CTNND1: variants seen among roughly 807,000 people sequenced by gnomAD.
CTNND1 encodes the protein catenin delta-1.
In CTNND1, 16 loss-of-function variants were observed where a neutral mutation model predicts 112.1. The ratio of observed to expected loss-of-function variants is 0.14; its 90% CI spans 0.10 to 0.22. CTNND1 has a LOEUF of 0.22. Among genes scored for constraint, CTNND1 ranks in the 10% least tolerant of loss-of-function variants. The pLI is 1.00. For missense variants in CTNND1, 1,008 were observed against 1,257.0 expected, an observed-to-expected ratio of 0.80 and a Z score of 3.00; for synonymous variants, 420 against 446.5, an observed-to-expected ratio of 0.94 and a Z score of 0.75.
chr11:57,815,282 T>C, intron 18 of CTNND1, 112 bp from the exon 19 acceptor site: 4 of 631,870 alleles, frequency 6.3e-6, no homozygotes, highest in Non-Finnish European at 8.1e-6. Flanking sequence ...TTGTGGAGCA[T>C]TTGACAAGCT....
chr11:57,763,271 C>G (rs1950262124), intron 1 of CTNND1, among the ~76,000 whole-genome samples: 1 of 152,100 alleles, frequency 6.6e-6, no homozygotes. Flanking sequence ...ATTCTCTTCT[C>G]TTTTTGAAAA....
chr11:57,816,432 T>A lies in CTNND1; in HGVS notation c.*124T>A. 1 of 1,256,954 alleles carries A rather than the reference T, an allele frequency of 8.0e-7. No individual in the cohort carries two copies. Among genetic ancestry groups the A allele is most frequent in the Non-Finnish European group, 1.2e-6 (1 of 868,648 alleles). 77.9% of individuals were successfully genotyped at this position (1,256,954 alleles called of 1,614,324 possible). The stretch of plus-strand genomic sequence containing the variant: ...CAACTGCCAGGCTGCCTCCTGCCCT[T>A]ACAGCCCTAAGTGGCTGCCTTCTTT... On this transcript the variant is annotated 3_prime_UTR_variant, in exon 21 of 21. Transcript: ENST00000399050.
chr11:57,807,060 C>T (rs953539937), intron 12 of CTNND1, 77 bp downstream of exon 12: 1 of 1,133,390 alleles, frequency 8.8e-7, no homozygotes, highest in African/African-American at 1.6e-5. Context: ...TAACAGCAGA[C>T]TTTATGTAAT....
rs2137748746 is a variant in CTNND1, at chr11:57,817,049, C to G, written c.*741C>G. 1 of 153,288 alleles carries G rather than the reference C, an allele frequency of 6.5e-6. No individual in the cohort carries two copies. The highest frequency in any genetic ancestry group is 2.4e-5 in the African/African-American group (1 of 41,600). The allele number at this position is 153,288 out of a possible 1,614,324, so 9.5% of individuals were successfully genotyped here. On this transcript the variant is annotated 3_prime_UTR_variant, in exon 21 of 21. Coordinates refer to ENST00000399050, the MANE Select transcript of CTNND1 (RefSeq NM_001085458.2). ...CACAGGCTGTCCTTAACCCACCTCTCCTGCCCTGTGATATGTCTGCTGAGT... is the reference window on the plus strand; with the variant it reads ...CACAGGCTGTCCTTAACCCACCTCTGCTGCCCTGTGATATGTCTGCTGAGT...
Position 57,811,471 on chromosome 11 carries a change from C to G in CTNND1, c.2623C>G (p.Arg875Gly). Residue 875 changes from arginine to glycine, a missense_variant, in exon 17 of 21, where the codon CGG becomes GGG. Physicochemically the swap from Arg to Gly is moderately radical, Grantham distance 125. Around this residue, in one of 5 missense-constraint regions of CTNND1, gnomAD observed 106 missense variants for 116.2 expected, o/e 0.91. Transcript: ENST00000399050. ...YDDSTLPLID[R>G]NQKSDKKPDR... ...TGATAGTACTCTCCCTCTCATTGAC[C>G]GGAACCAAAAATCAGGTGCAGTATC... The G allele has an allele frequency of 6.2e-7, 1 of 1,612,440 alleles. No homozygotes were observed. Among genetic ancestry groups the G allele is most frequent in the Non-Finnish European group, 8.5e-7 (1 of 1,179,202 alleles).
At chr11:57,786,638 T>C (rs547359329) in intron 1 of CTNND1, among the ~76,000 whole-genome samples, 7 of 152,332 alleles carry the variant, frequency 4.6e-5, no homozygotes, top group Middle Eastern at 6.8e-3. Context: ...TGAAGGTTTG[T>C]AGTGTGATCT....
intron 1 of CTNND1, among the ~76,000 whole-genome samples, chr11:57,769,025 G>T (rs1450308505): frequency 6.6e-6 from 1 of 151,490 alleles, no homozygotes; most frequent in Non-Finnish European, 1.5e-5. Flanking sequence ...ATGAGACAGA[G>T]GCTGGGCGCG....
chr11:57,773,711 C>T (rs1268472614), intron 1 of CTNND1, among the ~76,000 whole-genome samples: 4 of 149,946 alleles, frequency 2.7e-5, no homozygotes, highest in East Asian at 3.9e-4. Context: ...CTGAGGTGGG[C>T]GGATCGCTTG....
intron 1 of CTNND1, among the ~76,000 whole-genome samples, chr11:57,762,934 T>A (rs1950195701): frequency 6.6e-6 from 1 of 152,194 alleles, no homozygotes; most frequent in African/African-American, 2.4e-5. Flanking sequence ...TATTTTCAGC[T>A]TTTTGCACTC....
rs1253184775 is a variant in CTNND1, at chr11:57,801,729, T to C, written c.957-4T>C. 1 of 1,606,630 alleles carries C rather than the reference T, an allele frequency of 6.2e-7. No homozygotes were observed. Among genetic ancestry groups the C allele is most frequent in the South Asian group, 1.1e-5 (1 of 90,600 alleles). On this transcript the variant is annotated splice_region_variant and splice_polypyrimidine_tract_variant and intron_variant, in intron 6 of 20. Transcript: ENST00000399050. The stretch of plus-strand genomic sequence containing the variant: ...ATTCTCTTGGTTCTTCCAAAACTTC[T>C]CAGGAGCTATGAAGACATGATTGGT...
rs756952348 is a variant in CTNND1 at position 57,806,008 on chromosome 11, A to G, written c.1849A>G (p.Ser617Gly). 5.0e-6 allele frequency: 8 copies of G among 1,611,700 alleles called. No individual in the cohort carries two copies. The highest frequency in any genetic ancestry group is 5.9e-6 in the Non-Finnish European group (7 of 1,178,830). Residue 617 changes from serine to glycine, a missense_variant, in exon 10 of 21, where the codon AGT becomes GGT. Around this residue, in one of 5 missense-constraint regions of CTNND1, gnomAD observed 254 missense variants for 279.5 expected, o/e 0.91. Coordinates refer to ENST00000399050, the MANE Select transcript of CTNND1 (RefSeq NM_001085458.2). ...VANNTGPHAA[S>G]CFGAKKGKDE... ...CAACAATACTGGGCCACATGCTGCC[A>G]GTTGCTTTGGGGCCAAGAAGGGCAA... is the stretch of plus-strand genomic sequence containing the variant.
intron 3 of CTNND1, among the ~76,000 whole-genome samples, chr11:57,793,719 C>A (rs1221917328): frequency 6.6e-6 from 1 of 152,162 alleles, no homozygotes; most frequent in Non-Finnish European, 1.5e-5. Context: ...AGGCACTGTT[C>A]AAGGCACTAG....
At chr11:57,777,492 A>G (rs1034972467) in intron 1 of CTNND1, among the ~76,000 whole-genome samples, 1 of 151,904 alleles carries the variant, frequency 6.6e-6, no homozygotes, top group African/African-American at 2.4e-5. Flanking sequence ...CTGGTCTCGA[A>G]CTCCTGACCT....
intron 7 of CTNND1, 112 bp from the exon 8 acceptor site, chr11:57,803,509 T>C (rs974415172): frequency 1.9e-5 from 14 of 730,050 alleles, no homozygotes; most frequent in East Asian, 1.2e-4. Context: ...CTATAAGGTA[T>C]TTGGTCACTG....
chr11:57,814,677 C>T (rs906556700), intron 18 of CTNND1, among the ~76,000 whole-genome samples: 1 of 152,044 alleles, frequency 6.6e-6, no homozygotes, highest in Admixed American at 6.6e-5. Flanking sequence ...TGAATGGATA[C>T]ATCTGTTTCT....
chr11:57,784,387 C>T (rs187468673), intron 1 of CTNND1, among the ~76,000 whole-genome samples: 285 of 141,106 alleles, frequency 2.0e-3, no homozygotes, highest in Middle Eastern at 3.7e-3. Context: ...CTAGCCAGGG[C>T]GACAAGAGCT....
Position 57,805,998 on chromosome 11 carries a change from A to G in CTNND1, c.1839A>G (p.Pro613=). 6.2e-7 allele frequency: 1 copy of G among 1,612,008 alleles called. No individual in the cohort carries two copies. The highest frequency in any genetic ancestry group is 1.3e-5 in the African/African-American group (1 of 75,044). ...AAPNVANNTG[P]HAASCFGAKK... ...CCAATGTTGCCAACAATACTGGGCC[A>G]CATGCTGCCAGTTGCTTTGGGGCCA... The change falls in exon 10 of 21, where the codon CCA becomes CCG. Residue 613 remains proline, a synonymous_variant. Coordinates refer to ENST00000399050, the MANE Select transcript of CTNND1 (RefSeq NM_001085458.2).
intron 1 of CTNND1, among the ~76,000 whole-genome samples, chr11:57,773,799 G>A (rs1271232480): frequency 2.6e-5 from 4 of 151,722 alleles, no homozygotes; most frequent in Admixed American, 6.6e-5. Context: ...AAAATTAGCC[G>A]GGCGTGGTGG....
At chr11:57,785,857 T>A (rs1052227622) in intron 1 of CTNND1, among the ~76,000 whole-genome samples, 8 of 151,834 alleles carry the variant, frequency 5.3e-5, no homozygotes, top group African/African-American at 1.9e-4. Flanking sequence ...GGTAAGTGAT[T>A]TTTTTGTTTT....
Sources: gnomAD v4.1 joint callset for allele counts (sites outside exome capture counted in the v4.1 genomes callset) on GRCh38, gnomAD v4.1.1 for gene constraint, gnomAD v4.1.1 regional missense constraint, MANE v1.5 for transcripts, NCBI Gene and HGNC (gene_info 2026-07-23, HGNC 2026-07-21) for gene names.